Variants in PSG5 observed in about 807,000 individuals in gnomAD.
The protein encoded by PSG5 is pregnancy specific beta-1-glycoprotein 5.
PSG5 carries 53 observed loss-of-function variants against 37.7 expected under a neutral mutation model. That is an observed-to-expected ratio of 1.41 (90% CI 1.13 to 1.77). The LOEUF (loss-of-function observed/expected upper bound fraction) is 1.77. PSG5 is among the 40% of genes most tolerant of loss of function. The probability of loss-of-function intolerance (pLI) is 0.00; values close to 1 mark genes in which losing one functional copy is unlikely to be tolerated. For missense variants in PSG5, 547 were observed against 405.2 expected, an observed-to-expected ratio of 1.35 and a Z score of -3.00; for synonymous variants, 221 against 155.4, an observed-to-expected ratio of 1.42 and a Z score of -3.14.
At chr19:43,178,438 A>C (rs895544065) in intron 2 of PSG5, among the ~76,000 whole-genome samples, 1 of 151,748 alleles carries the variant, frequency 6.6e-6, no homozygotes, top group African/African-American at 2.4e-5. Context: ...CTGTATGGTA[A>C]TAGGTGTATG....
At chr19:43,172,567 T>C (rs1383231499) in intron 4 of PSG5, among the ~76,000 whole-genome samples, 1 of 151,652 alleles carries the variant, frequency 6.6e-6, no homozygotes, top group African/African-American at 2.4e-5. Flanking sequence ...AAACATCAGT[T>C]GTATTTCAAT....
intron 2 of PSG5, among the ~76,000 whole-genome samples, chr19:43,177,277 C>G (rs1040561171): frequency 1.3e-5 from 2 of 151,404 alleles, no homozygotes; most frequent in African/African-American, 4.9e-5. Flanking sequence ...GGCTGTCGAG[C>G]TTGATACCTA....
intron 2 of PSG5, chr19:43,178,871 A>G: frequency 4.3e-6 from 7 of 1,612,860 alleles, no homozygotes; most frequent in Non-Finnish European, 5.9e-6. Context: ...GGAACAGAGG[A>G]TACTCACGGA....
chr19:43,176,865 A>G (rs1969022576), intron 2 of PSG5, among the ~76,000 whole-genome samples: 2 of 150,938 alleles, frequency 1.3e-5, no homozygotes, highest in South Asian at 2.1e-4. Context: ...TTTGGAGCAG[A>G]ACCATGTTCC....
intron 4 of PSG5, among the ~76,000 whole-genome samples, chr19:43,173,875 C>G (rs1188639836): frequency 6.6e-6 from 1 of 151,314 alleles, no homozygotes; most frequent in Non-Finnish European, 1.5e-5. Context: ...GACAAACTCC[C>G]CATAGAAATG....
chr19:43,168,469 T>C (rs549057666), intron 5 of PSG5, among the ~76,000 whole-genome samples: 3 of 151,580 alleles, frequency 2.0e-5, no homozygotes, highest in Non-Finnish European at 4.4e-5. Flanking sequence ...CCCGGGTTCA[T>C]GCCATTCTCC....
At chr19:43,179,615 G>A (rs1599751789) in intron 2 of PSG5, among the ~76,000 whole-genome samples, 2 of 151,688 alleles carry the variant, frequency 1.3e-5, no homozygotes, top group East Asian at 3.9e-4. Flanking sequence ...ACTTCCCATT[G>A]TCCTTAAACC....
At chr19:43,174,846 A>G (rs1968971143) in intron 4 of PSG5, 4 of 1,154,562 alleles carry the variant, frequency 3.5e-6, no homozygotes, top group African/African-American at 1.6e-5. Flanking sequence ...CTTGTAGCTC[A>G]TGGAATAGGT....
chr19:43,174,986 C>T, intron 4 of PSG5: 1 of 1,399,556 alleles, frequency 7.1e-7, no homozygotes, highest in African/African-American at 1.5e-5. Context: ...CTGATAAAGC[C>T]CCCTCCCTAA....
rs925311880 is a variant in PSG5 at position 43,186,235 on chromosome 19, CA to C, written c.64+106del. The C allele has an allele frequency of 8.3e-6, 13 of 1,565,056 alleles. No homozygotes were observed. In the African/African-American group the frequency reaches 1.8e-4, roughly 21 times the overall value. On this transcript the variant is annotated intron_variant, in intron 1 of 5. Transcript: ENST00000342951. ...TCATAATCCACCCACCTCATCCTCCCAAAGTGCTGGCTTCTTTTATTTTTTA... is the reference window on the plus strand; with the variant it reads ...TCATAATCCACCCACCTCATCCTCCCAAGTGCTGGCTTCTTTTATTTTTTA...
rs775292348 is a variant in PSG5 at position 43,186,362 on chromosome 19, C to T, written c.44G>A (p.Trp15Ter). 13 of 1,612,246 alleles carry T rather than the reference C, an allele frequency of 8.1e-6. No homozygotes were observed. The highest frequency in any genetic ancestry group is 1.1e-5 in the Non-Finnish European group (13 of 1,178,970). ...CTCACCTGTGAGCAGGAGCCCCTTC[C>T]AGGTGATGTGCTGTGTGCAGGGAGG... ...SAPPCTQHIT[W>*]KGLLLTASLL... Residue 15 changes from tryptophan to a stop codon, truncating the protein, a stop_gained, in exon 1 of 6, where the codon TGG becomes TAG. Transcript: ENST00000342951. LOFTEE classifies it high-confidence loss of function.
chr19:43,179,222 C>T, intron 2 of PSG5: 2 of 1,480,612 alleles, frequency 1.4e-6, no homozygotes, highest in South Asian at 1.2e-5. Flanking sequence ...AGGCACTTTT[C>T]AATCAGAGTT....
At chr19:43,180,708 A>G (rs1969110091) in intron 2 of PSG5, 1 of 151,594 alleles carries the variant, frequency 6.6e-6, no homozygotes, top group East Asian at 1.9e-4. Flanking sequence ...TTCTCTTGAG[A>G]CCAAAATAAG....
rs10417046 is a variant in PSG5 at position 43,186,301 on chromosome 19, T to G, written c.64+41A>C. ...CCAGGAGACCCAATCCAGTCACTCT[T>G]CTTCCTCCTCCTGTCCTCTCCCAGG... On this transcript the variant is annotated intron_variant, in intron 1 of 5. Transcript: ENST00000342951. 4,191 of 1,610,640 alleles carry G rather than the reference T, an allele frequency of 2.6e-3. 131 individuals carry two copies. The highest frequency in any genetic ancestry group is 0.017 in the African/African-American group (1,291 of 74,616).
At chr19:43,180,355 A>C (rs1324231872) in intron 2 of PSG5, 6 of 151,622 alleles carry the variant, frequency 4.0e-5, no homozygotes, top group Non-Finnish European at 2.9e-5. Context: ...TTGGATTTCT[A>C]ATTTTTTTAA....
At chr19:43,177,343 T>C (rs1002954657) in intron 2 of PSG5, among the ~76,000 whole-genome samples, 3 of 151,608 alleles carry the variant, frequency 2.0e-5, no homozygotes, top group Non-Finnish European at 2.9e-5. Context: ...AAAAGTGTTT[T>C]GGATTTCTGA....
intron 4 of PSG5, among the ~76,000 whole-genome samples, chr19:43,173,151 T>G (rs1429110051): frequency 1.3e-5 from 2 of 151,656 alleles, no homozygotes; most frequent in East Asian, 3.8e-4. Flanking sequence ...CAAATGATAT[T>G]GGGAAAGCTG....
At chr19:43,185,194 G>T in intron 1 of PSG5, 47 bp from the exon 2 acceptor site, 1 of 1,541,752 alleles carries the variant, frequency 6.5e-7, no homozygotes, top group East Asian at 2.2e-5. Context: ...CTGTGTATTG[G>T]GGTGAAAAGA....
intron 4 of PSG5, among the ~76,000 whole-genome samples, chr19:43,173,825 A>C (rs1360075636): frequency 6.6e-6 from 1 of 151,578 alleles, no homozygotes; most frequent in African/African-American, 2.4e-5. Context: ...TCAAAAAATT[A>C]AACAATAACT....
Sources: gnomAD v4.1 joint callset for allele counts (sites outside exome capture counted in the v4.1 genomes callset) on GRCh38, gnomAD v4.1.1 for gene constraint, MANE v1.5 for transcripts, NCBI Gene and HGNC (gene_info 2026-07-23, HGNC 2026-07-21) for gene names.